Variants in BCAS3 observed in about 807,000 individuals in gnomAD.
The protein encoded by BCAS3 is BCAS4/BCAS3 fusion.
Under a neutral mutation model 116.1 loss-of-function variants are expected in BCAS3, and 53 were observed. That is an observed-to-expected ratio of 0.46 (90% CI 0.37 to 0.57). BCAS3 has a LOEUF of 0.57. Among genes scored for constraint, BCAS3 ranks in the 20% least tolerant of loss-of-function variants. The pLI, the probability that BCAS3 is intolerant of heterozygous loss-of-function variation, is 0.00. For missense variants in BCAS3, 917 were observed against 1,165.4 expected, an observed-to-expected ratio of 0.79 and a Z score of 3.10; for synonymous variants, 391 against 408.2, an observed-to-expected ratio of 0.96 and a Z score of 0.51.
intron 22 of BCAS3, among the ~76,000 whole-genome samples, chr17:61,133,255 T>C (rs1423784378): frequency 6.6e-6 from 1 of 152,126 alleles, no homozygotes; most frequent in East Asian, 1.9e-4. Context: ...AAAGATGAAA[T>C]AGAACACACT....
chr17:61,374,944 G>A (rs918587303), intron 23 of BCAS3, among the ~76,000 whole-genome samples: 2 of 152,194 alleles, frequency 1.3e-5, no homozygotes, highest in African/African-American at 4.8e-5. Flanking sequence ...GCTCTAGCTT[G>A]TTCACCTAAA....
intron 22 of BCAS3, among the ~76,000 whole-genome samples, chr17:61,334,664 CAAAAAAAAAA>C (rs35400660): frequency 3.9e-5 from 2 of 50,904 alleles, no homozygotes; most frequent in South Asian, 9.7e-4. Flanking sequence ...AACTCCATCT[CAAAAAAAAAA>C]AAAAAAAAAA....
At chr17:60,916,572 C>T (rs2058788998) in intron 12 of BCAS3, among the ~76,000 whole-genome samples, 1 of 152,064 alleles carries the variant, frequency 6.6e-6, no homozygotes, top group Non-Finnish European at 1.5e-5. Flanking sequence ...TGTGAGATAT[C>T]CTTTTTAATG....
intron 22 of BCAS3, among the ~76,000 whole-genome samples, chr17:61,257,435 A>G (rs2048875290): frequency 6.6e-6 from 1 of 151,340 alleles, no homozygotes; most frequent in Admixed American, 6.6e-5. Context: ...AAAAAAAAAA[A>G]AAAAAAAAGG....
intron 19 of BCAS3, among the ~76,000 whole-genome samples, chr17:61,050,259 G>C (rs1011945814): frequency 6.6e-6 from 1 of 151,892 alleles, no homozygotes; most frequent in South Asian, 2.1e-4. Flanking sequence ...GGTGAAAAAC[G>C]TAGGTAAATG....
intron 20 of BCAS3, among the ~76,000 whole-genome samples, chr17:61,076,650 T>C (rs1251729526): frequency 6.6e-6 from 1 of 152,178 alleles, no homozygotes; most frequent in Non-Finnish European, 1.5e-5. Context: ...TACAATGTGT[T>C]TGTCCGGCAC....
In BCAS3 at chr17:61,118,247, C is replaced by G. The variant is rs1330588959; in HGVS notation, c.2425+33683C>G. 1.3e-5 allele frequency among the ~76,000 whole-genome samples: 2 copies of G among 152,156 alleles called. No individual in the cohort carries two copies. Among genetic ancestry groups the G allele is most frequent in the Non-Finnish European group, 2.9e-5 (2 of 68,024 alleles). Reference sequence around the variant, plus strand: ...TCCTTACCACACTACTGTTACCACCCAATCAGGTTACTACTTGGGAGAGAT... The same window carrying G: ...TCCTTACCACACTACTGTTACCACCGAATCAGGTTACTACTTGGGAGAGAT... On this transcript the variant is annotated intron_variant, in intron 22 of 23. Transcript: ENST00000407086. This position sits in a 1 kb window ranked among gnomAD's most constrained non-coding sequence, Gnocchi z 5.0.
rs2080643047 is a variant in BCAS3 at position 61,198,737 on chromosome 17, C to A, written c.2425+114173C>A. Among the ~76,000 whole-genome samples, 1 of 152,206 alleles carries A rather than the reference C, an allele frequency of 6.6e-6. No homozygotes were observed. Among genetic ancestry groups the A allele is most frequent in the South Asian group, 2.1e-4 (1 of 4,832 alleles). On this transcript the variant is annotated intron_variant, in intron 22 of 23. Transcript: ENST00000407086. The surrounding 1 kb of genome is among the most constrained non-coding windows in gnomAD (Gnocchi z 5.0). ...CAAACACTTTCTTAGCATTTATCTTCAAACCTTAAGTGTAAAAATGAGACA... is the reference window on the plus strand; with the variant it reads ...CAAACACTTTCTTAGCATTTATCTTAAAACCTTAAGTGTAAAAATGAGACA...
At chr17:61,328,398 G>C (rs1367737747) in intron 22 of BCAS3, among the ~76,000 whole-genome samples, 2 of 152,166 alleles carry the variant, frequency 1.3e-5, no homozygotes, top group Non-Finnish European at 2.9e-5. Flanking sequence ...TGCTATAACA[G>C]AATACCATAG....
chr17:60,736,816 G>T (rs908331901), intron 5 of BCAS3, among the ~76,000 whole-genome samples: 1 of 152,032 alleles, frequency 6.6e-6, no homozygotes, highest in African/African-American at 2.4e-5. Flanking sequence ...AGAGTTGTTC[G>T]TAATGTTCCT....
At chr17:60,825,280 G>A (rs2098172291) in intron 7 of BCAS3, among the ~76,000 whole-genome samples, 1 of 151,276 alleles carries the variant, frequency 6.6e-6, no homozygotes, top group African/African-American at 2.4e-5. Flanking sequence ...CCTACCTTAT[G>A]CACATTATTT....
At chr17:60,943,137 G>T (rs1402427644) in intron 13 of BCAS3, among the ~76,000 whole-genome samples, 1 of 151,978 alleles carries the variant, frequency 6.6e-6, no homozygotes, top group Non-Finnish European at 1.5e-5. Flanking sequence ...CATAAAAATT[G>T]AATATTCCAA....
intron 22 of BCAS3, among the ~76,000 whole-genome samples, chr17:61,237,791 C>G (rs2083183168): frequency 6.6e-6 from 1 of 152,228 alleles, no homozygotes; most frequent in Non-Finnish European, 1.5e-5. Context: ...ACCCCCAGCT[C>G]TTAACTGCTT....
At chr17:61,308,845 A>G (rs1204838020) in intron 22 of BCAS3, among the ~76,000 whole-genome samples, 3 of 152,102 alleles carry the variant, frequency 2.0e-5, no homozygotes, top group Admixed American at 2.0e-4. Flanking sequence ...AGAAACATTC[A>G]CCTTCTTTAT....
Position 61,104,843 on chromosome 17 carries a change from C to G in BCAS3, c.2425+20279C>G, listed in dbSNP as rs868317924. ...ATTCTTAAAAGTAAGCCCAGTAAAC[C>G]TAAGCGTTGGATGGTTCTGCAAGTA... On this transcript the variant is annotated intron_variant, in intron 22 of 23. Transcript: ENST00000407086. This position sits in a 1 kb window ranked among gnomAD's most constrained non-coding sequence, Gnocchi z 4.1. Among the ~76,000 whole-genome samples the G allele has an allele frequency of 6.6e-6, 1 of 152,324 alleles. No homozygotes were observed. Among genetic ancestry groups the G allele is most frequent in the East Asian group, 1.9e-4 (1 of 5,190 alleles).
intron 22 of BCAS3, among the ~76,000 whole-genome samples, chr17:61,230,783 C>A (rs907560497): frequency 6.6e-5 from 10 of 151,950 alleles, no homozygotes; most frequent in African/African-American, 2.2e-4. Context: ...GTATAATGAT[C>A]TATTTTCCTT....
intron 14 of BCAS3, among the ~76,000 whole-genome samples, chr17:60,953,566 TTTGA>T (rs1196731303): frequency 2.6e-5 from 4 of 152,168 alleles, no homozygotes; most frequent in Non-Finnish European, 5.9e-5. Context: ...AGCTCTTTAG[TTTGA>T]TTGGAGCCCA....
intron 8 of BCAS3, among the ~76,000 whole-genome samples, chr17:60,869,238 G>A (rs2144890327): frequency 6.6e-6 from 1 of 152,240 alleles, no homozygotes; most frequent in Non-Finnish European, 1.5e-5. Context: ...GAACTTCTAT[G>A]TGACCTCTAC....
chr17:60,957,355 A>G (rs1473787465), intron 14 of BCAS3, among the ~76,000 whole-genome samples: 1 of 152,176 alleles, frequency 6.6e-6, no homozygotes, highest in East Asian at 1.9e-4. Flanking sequence ...ATAAATGCAA[A>G]TATTTGTTTT....
Sources: gnomAD v4.1 joint callset for allele counts (sites outside exome capture counted in the v4.1 genomes callset) on GRCh38, gnomAD v4.1.1 for gene constraint, Gnocchi (gnomAD v3.1) non-coding constraint, MANE v1.5 for transcripts, NCBI Gene and HGNC (gene_info 2026-07-23, HGNC 2026-07-21) for gene names.